The following MIPEP variants were observed in gnomAD, a reference collection of about 807,000 sequenced individuals.
MIPEP encodes the protein mitochondrial intermediate peptidase.
In MIPEP, 79 loss-of-function variants were observed where a neutral mutation model predicts 90.3. The ratio of observed to expected loss-of-function variants is 0.87; its 90% CI spans 0.73 to 1.05. The LOEUF is 1.05. Among genes scored for constraint, MIPEP ranks in the 50% least tolerant of loss-of-function variants. The probability of loss-of-function intolerance (pLI) is 0.00; values close to 1 mark genes in which losing one functional copy is unlikely to be tolerated. For synonymous variants in MIPEP, 334 were observed against 315.8 expected (o/e 1.06, Z -0.61); for missense variants, 940 against 905.6 (o/e 1.04, Z -0.49).
intron 14 of MIPEP, among the ~76,000 whole-genome samples, chr13:23,816,906 A>G (rs1259788553): frequency 2.0e-5 from 3 of 152,180 alleles, no homozygotes; most frequent in Non-Finnish European, 4.4e-5. Context: ...CTGGGACTCT[A>G]ACAATTCGCT....
chr13:23,841,808 C>G (rs533719424), intron 10 of MIPEP, among the ~76,000 whole-genome samples: 1 of 152,278 alleles, frequency 6.6e-6, no homozygotes, highest in African/African-American at 2.4e-5. Context: ...CTTATACATA[C>G]TTACATGCAA....
chr13:23,767,004 C>T (rs1355191035), intron 16 of MIPEP, among the ~76,000 whole-genome samples: 1 of 152,230 alleles, frequency 6.6e-6, no homozygotes, highest in Non-Finnish European at 1.5e-5. Context: ...GGAAAGCCCA[C>T]TGTCAGAGGT....
At chr13:23,831,636 T>C (rs536883506) in intron 14 of MIPEP, among the ~76,000 whole-genome samples, 42 of 152,064 alleles carry the variant, frequency 2.8e-4, no homozygotes, top group Non-Finnish European at 5.9e-4. Flanking sequence ...CCTCGCTTCA[T>C]AACAACCTGC....
intron 18 of MIPEP, among the ~76,000 whole-genome samples, chr13:23,737,798 T>A (rs1051883722): frequency 1.3e-5 from 2 of 152,218 alleles, no homozygotes; most frequent in African/African-American, 4.8e-5. Flanking sequence ...TCATTCTGGC[T>A]CCCTTTCCTA....
In MIPEP at chr13:23,866,494, T is replaced by C. The variant is rs970868568; in HGVS notation, c.944-2305A>G. ...AGCTCCACGCTGCTACAGCCAGTGG[T>C]CATGCCCAGCCCTCCTCACATCTGA... On this transcript the variant is annotated intron_variant, in intron 7 of 18. Coordinates refer to ENST00000382172, the MANE Select transcript of MIPEP (RefSeq NM_005932.4). Among the ~76,000 whole-genome samples the C allele has an allele frequency of 4.6e-5, 7 of 152,096 alleles. No homozygotes were observed. In the South Asian group the frequency reaches 1.2e-3, roughly 27 times the overall value.
At position 23,760,109 on chromosome 13, in the gene MIPEP, C is replaced by T. The variant is rs754340900; in HGVS notation, c.1957G>A (p.Asp653Asn). 1.9e-6 allele frequency: 3 copies of T among 1,614,100 alleles called. No homozygotes were observed. The highest frequency in any genetic ancestry group is 1.6e-4 in the Middle Eastern group (1 of 6,062). Reference sequence around the variant, plus strand: ...TTACCCCCTTACCTGTTGAAAGGATCCTGTAGAAAACACTCCTTCCAAACC... The same window carrying T: ...TTACCCCCTTACCTGTTGAAAGGATTCTGTAGAAAACACTCCTTCCAAACC... ...SMVWKECFLQ[D>N]PFNRAAGERY... Residue 653 changes from aspartate (D) to asparagine (N), a missense_variant, in exon 17 of 19, where the codon GAT becomes AAT. Coordinates refer to ENST00000382172, the MANE Select transcript of MIPEP (RefSeq NM_005932.4).
chr13:23,775,988 A>G (rs1952711338), intron 16 of MIPEP, among the ~76,000 whole-genome samples: 1 of 152,190 alleles, frequency 6.6e-6, no homozygotes, highest in African/African-American at 2.4e-5. Flanking sequence ...CAGATTAAAA[A>G]ACAGATGTTT....
intron 18 of MIPEP, among the ~76,000 whole-genome samples, chr13:23,731,090 G>C (rs1307587565): frequency 2.0e-5 from 3 of 152,188 alleles, no homozygotes; most frequent in Non-Finnish European, 4.4e-5. Context: ...TCAATAAAAA[G>C]CTGAATTCAT....
intron 16 of MIPEP, among the ~76,000 whole-genome samples, chr13:23,774,784 C>CTTTTTTTT: frequency 1.5e-5 from 1 of 68,294 alleles, no homozygotes; most frequent in Non-Finnish European, 2.5e-5. Flanking sequence ...TTTATCAGTT[C>CTTTTTTTT]TTTTTTTTTT....
rs7139860 is a variant in MIPEP at position 23,853,197 on chromosome 13, G to A, written c.1106+5663C>T. The stretch of plus-strand genomic sequence containing the variant: ...ATTTAGTGTAGCCTAAGTGTACAGT[G>A]TCTATAAAGTCAATAATGGTGTACG... On this transcript the variant is annotated intron_variant, in intron 10 of 18. Transcript: ENST00000382172. Among the ~76,000 whole-genome samples, 732 of 152,242 alleles carry A rather than the reference G, an allele frequency of 4.8e-3. 8 individuals carry two copies. Among genetic ancestry groups the A allele is most frequent in the African/African-American group, 0.015 (634 of 41,542 alleles).
At chr13:23,812,723 A>G (rs1253845480) in intron 14 of MIPEP, among the ~76,000 whole-genome samples, 1 of 152,216 alleles carries the variant, frequency 6.6e-6, no homozygotes, top group African/African-American at 2.4e-5. Context: ...ACCACTGGAG[A>G]AAACTGGGTG....
chr13:23,762,777 C>T, intron 16 of MIPEP, among the ~76,000 whole-genome samples: 1 of 152,186 alleles, frequency 6.6e-6, no homozygotes, highest in East Asian at 1.9e-4. Flanking sequence ...CCCTACCTCA[C>T]AGGATACCCC....
Position 23,841,343 on chromosome 13 carries a change from G to C in MIPEP, c.1252C>G (p.Arg418Gly). ...GAGCAGGAGGAGCTCACCAGTTTTCGGACATCTTCGCTCCACACCTCTCCT... is the reference window on the plus strand; with the variant it reads ...GAGCAGGAGGAGCTCACCAGTTTTCCGACATCTTCGCTCCACACCTCTCCT... ...AKGEVWSEDV[R>G]KLAVVHESEG... is the part of the protein sequence containing the mutation. The change falls in exon 11 of 19, where the codon CGA becomes GGA. Residue 418 changes from arginine (R) to glycine (G), a missense_variant. Arg to Gly is a moderately radical substitution (Grantham distance 125). Coordinates refer to ENST00000382172, the MANE Select transcript of MIPEP (RefSeq NM_005932.4). The C allele has an allele frequency of 6.2e-7, 1 of 1,609,764 alleles. No individual in the cohort carries two copies. Among genetic ancestry groups the C allele is most frequent in the East Asian group, 2.2e-5 (1 of 44,776 alleles).
chr13:23,796,705 T>C (rs1345812704), intron 16 of MIPEP, among the ~76,000 whole-genome samples: 5 of 152,190 alleles, frequency 3.3e-5, no homozygotes, highest in Non-Finnish European at 5.9e-5. Flanking sequence ...TTAAGAGGCA[T>C]GTTTGAAAGT....
intron 14 of MIPEP, among the ~76,000 whole-genome samples, chr13:23,834,127 C>T (rs933427558): frequency 3.9e-5 from 6 of 152,124 alleles, no homozygotes; most frequent in African/African-American, 7.2e-5. Flanking sequence ...GCCACGCGCC[C>T]GGGATGAGGG....
intron 16 of MIPEP, among the ~76,000 whole-genome samples, chr13:23,771,822 A>C (rs1427735087): frequency 6.6e-6 from 1 of 152,150 alleles, no homozygotes. Context: ...GGTTTGAATA[A>C]TTGCTGCTCC....
chr13:23,751,159 T>G (rs899434325), intron 18 of MIPEP, among the ~76,000 whole-genome samples: 1 of 152,234 alleles, frequency 6.6e-6, no homozygotes, highest in Non-Finnish European at 1.5e-5. Flanking sequence ...TGCATTAATC[T>G]TCTTGGAGCA....
chr13:23,779,621 G>A (rs1045720439), intron 16 of MIPEP, among the ~76,000 whole-genome samples: 2 of 151,842 alleles, frequency 1.3e-5, no homozygotes, highest in African/African-American at 4.8e-5. Flanking sequence ...CAGGACAGTG[G>A]GTGCAGCCCA....
At chr13:23,745,437 T>C (rs1250140111) in intron 18 of MIPEP, among the ~76,000 whole-genome samples, 1 of 152,186 alleles carries the variant, frequency 6.6e-6, no homozygotes, top group African/African-American at 2.4e-5. Context: ...TCTAGCAACA[T>C]TTCATAAAAG....
Sources: gnomAD v4.1 joint callset for allele counts (sites outside exome capture counted in the v4.1 genomes callset) on GRCh38, gnomAD v4.1.1 for gene constraint, MANE v1.5 for transcripts, NCBI Gene and HGNC (gene_info 2026-07-23, HGNC 2026-07-21) for gene names.